Variants in SURF6 observed in about 807,000 individuals in gnomAD.
SURF6 encodes surfeit 6, also known as surfeit locus protein 6.
In SURF6, 28 loss-of-function variants were observed where a neutral mutation model predicts 37.5. That is an observed-to-expected ratio of 0.75 (90% CI 0.55 to 1.02). SURF6 has a LOEUF of 1.02. Among genes scored for constraint, SURF6 ranks in the 50% least tolerant of loss-of-function variants. The pLI, the probability that SURF6 is intolerant of heterozygous loss-of-function variation, is 0.00. For missense variants in SURF6, 560 were observed against 490.5 expected (o/e 1.14, Z -1.34); for synonymous variants, 248 against 210.9 (o/e 1.18, Z -1.52).
intron 2 of SURF6, 76 bp from the exon 3 acceptor site, chr9:133,333,882 T>TCCCA: frequency 1.6e-6 from 2 of 1,259,420 alleles, no homozygotes; most frequent in Non-Finnish European, 2.3e-6. Flanking sequence ...CGAATCCCTG[T>TCCCA]CCCACTGTGG....
rs2129906971 is a variant in SURF6 at position 133,330,608 on chromosome 9, T to C, written c.*1261A>G. 2 of 152,200 alleles carry C rather than the reference T, an allele frequency of 1.3e-5. No homozygotes were observed. The highest frequency in any genetic ancestry group is 4.2e-4 in the South Asian group (2 of 4,806). 9.4% of individuals were successfully genotyped at this position (152,200 alleles called of 1,614,324 possible). ...TTTCTAATAGCCATTCGGAATTCTT[T>C]AACTCATAGGTAATTTATAAGTGTG... On this transcript the variant is annotated 3_prime_UTR_variant, in exon 5 of 5. Transcript: ENST00000372022.
chr9:133,335,745 G>C (rs1347140262), intron 1 of SURF6, among the ~76,000 whole-genome samples: 1 of 152,026 alleles, frequency 6.6e-6, no homozygotes, highest in African/African-American at 2.4e-5. Flanking sequence ...GCGTGGTGGC[G>C]GGCGCCTGTA....
Position 133,331,563 on chromosome 9 carries a change from T to A in SURF6, c.*306A>T. 5.8e-6 allele frequency: 2 copies of A among 342,900 alleles called. No individual in the cohort carries two copies. The highest frequency in any genetic ancestry group is 5.2e-6 in the Non-Finnish European group (1 of 192,068). 21.2% of individuals were successfully genotyped at this position (342,900 alleles called of 1,614,324 possible). ...GACTGCCCACCCCCACCGTTCCTCC[T>A]CCCTGACCCTGCAAACCTCGGGGAA... On this transcript the variant is annotated 3_prime_UTR_variant, in exon 5 of 5. Coordinates refer to ENST00000372022, the MANE Select transcript of SURF6 (RefSeq NM_006753.6).
intron 3 of SURF6, chr9:133,333,065 A>G: frequency 2.4e-6 from 1 of 415,482 alleles, no homozygotes; most frequent in South Asian, 2.6e-5. Context: ...GGTCAAGACC[A>G]CTGCCTAGAA....
At chr9:133,333,649 G>C in intron 3 of SURF6, 69 bp downstream of exon 3, 1 of 1,475,608 alleles carries the variant, frequency 6.8e-7, no homozygotes. Context: ...ACGGCCCCTC[G>C]CTGACAGCTG....
chr9:133,333,932 T>C, intron 2 of SURF6, 126 bp from the exon 3 acceptor site: 1 of 750,264 alleles, frequency 1.3e-6, no homozygotes, highest in Non-Finnish European at 2.3e-6. Flanking sequence ...TAAATTCCAC[T>C]CCACCGCTTC....
chr9:133,332,353 G>A lies in SURF6; in HGVS notation c.607-5C>T. On this transcript the variant is annotated splice_polypyrimidine_tract_variant and splice_region_variant and intron_variant, in intron 4 of 4. Transcript: ENST00000372022. Reference sequence around the variant, plus strand: ...CTCGTCTTCGCTCACCTCCACCTGGGAGGAAGGTATGACATCAGCTCATGC... The same window carrying A: ...CTCGTCTTCGCTCACCTCCACCTGGAAGGAAGGTATGACATCAGCTCATGC... 1 of 1,569,308 alleles carries A rather than the reference G, an allele frequency of 6.4e-7. No individual in the cohort carries two copies. Among genetic ancestry groups the A allele is most frequent in the Non-Finnish European group, 8.6e-7 (1 of 1,160,332 alleles).
Position 133,331,709 on chromosome 9 carries a change from T to C in SURF6, c.*160A>G, listed in dbSNP as rs2129910987. 2 of 929,164 alleles carry C rather than the reference T, an allele frequency of 2.2e-6. No homozygotes were observed. The highest frequency in any genetic ancestry group is 3.8e-5 in the Admixed American group (1 of 26,222). 57.6% of individuals were successfully genotyped at this position (929,164 alleles called of 1,614,324 possible). On this transcript the variant is annotated 3_prime_UTR_variant, in exon 5 of 5. Transcript: ENST00000372022. Reference sequence around the variant, plus strand: ...AACTCTCTCTTTCTCACATGGGATCTGTGATCTGGGCCCTCACAACTCAGC... The same window carrying C: ...AACTCTCTCTTTCTCACATGGGATCCGTGATCTGGGCCCTCACAACTCAGC...
intron 3 of SURF6, chr9:133,333,001 G>A: frequency 1.7e-6 from 1 of 580,840 alleles, no homozygotes; most frequent in Non-Finnish European, 3.1e-6. Context: ...CCCCGTGCCA[G>A]GATACATTAC....
chr9:133,330,618 G>A lies in SURF6; in HGVS notation c.*1251C>T, dbSNP rs947651170. On this transcript the variant is annotated 3_prime_UTR_variant, in exon 5 of 5. Transcript: ENST00000372022. ...CCATTCGGAATTCTTTAACTCATAG[G>A]TAATTTATAAGTGTGTTTTAAAAAT... 6.6e-6 allele frequency: 1 copy of A among 150,634 alleles called. No homozygotes were observed. Among genetic ancestry groups the A allele is most frequent in the African/African-American group, 2.4e-5 (1 of 41,038 alleles). The allele number at this position is 150,634 out of a possible 1,614,324, so 9.3% of individuals were successfully genotyped here.
chr9:133,335,961 A>T, intron 1 of SURF6, 78 bp downstream of exon 1: 1 of 1,160,244 alleles, frequency 8.6e-7, no homozygotes, highest in Non-Finnish European at 1.2e-6. Flanking sequence ...CTAGTACTTT[A>T]CAGACTCGTC....
At chr9:133,332,449 A>G (rs887153165) in intron 4 of SURF6, 99 bp downstream of exon 4, 7 of 1,539,516 alleles carry the variant, frequency 4.5e-6, no homozygotes, top group Non-Finnish European at 5.2e-6. Context: ...ACCACCTTAC[A>G]GACATGATGG....
chr9:133,331,584 G>A lies in SURF6; in HGVS notation c.*285C>T, dbSNP rs1588669473. 2 of 384,092 alleles carry A rather than the reference G, an allele frequency of 5.2e-6. No individual in the cohort carries two copies. Among genetic ancestry groups the A allele is most frequent in the African/African-American group, 4.1e-5 (2 of 48,310 alleles). The allele number at this position is 384,092 out of a possible 1,614,324, so 23.8% of individuals were successfully genotyped here. The stretch of plus-strand genomic sequence containing the variant: ...CTCCTCCCTGACCCTGCAAACCTCG[G>A]GGAAGCTTTCAGGCCCGGGAAAGCA... On this transcript the variant is annotated 3_prime_UTR_variant, in exon 5 of 5. Transcript: ENST00000372022.
chr9:133,332,814 A>G, intron 3 of SURF6, 54 bp from the exon 4 acceptor site: 1 of 1,565,240 alleles, frequency 6.4e-7, no homozygotes, highest in East Asian at 2.2e-5. Context: ...AGGGTCCCCC[A>G]GCCTGGCCCA....
rs1390818620 is a variant in SURF6, at chr9:133,330,418, T to C, written c.*1451A>G. 6.6e-6 allele frequency: 1 copy of C among 152,140 alleles called. No individual in the cohort carries two copies. The highest frequency in any genetic ancestry group is 1.5e-5 in the Non-Finnish European group (1 of 68,016). The allele number at this position is 152,140 out of a possible 1,614,324, so 9.4% of individuals were successfully genotyped here. On this transcript the variant is annotated 3_prime_UTR_variant, in exon 5 of 5. Transcript: ENST00000372022. Reference sequence around the variant, plus strand: ...CACCCAGCTAATTTTTTATTTTTAATAGAGATGGGGTTTTATCATGTTGTC... The same window carrying C: ...CACCCAGCTAATTTTTTATTTTTAACAGAGATGGGGTTTTATCATGTTGTC...
In SURF6 at chr9:133,332,361, T is replaced by A; in HGVS notation, c.607-13A>T. On this transcript the variant is annotated splice_polypyrimidine_tract_variant and intron_variant, in intron 4 of 4. Coordinates refer to ENST00000372022, the MANE Select transcript of SURF6 (RefSeq NM_006753.6). ...CGCTCACCTCCACCTGGGAGGAAGG[T>A]ATGACATCAGCTCATGCCAGCCCTG... 1 of 1,564,902 alleles carries A rather than the reference T, an allele frequency of 6.4e-7. No individual in the cohort carries two copies. Among genetic ancestry groups the A allele is most frequent in the South Asian group, 1.2e-5 (1 of 85,082 alleles).
In SURF6 at chr9:133,329,964, C is replaced by T. The variant is rs923224516; in HGVS notation, c.*1905G>A. On this transcript the variant is annotated 3_prime_UTR_variant, in exon 5 of 5. Coordinates refer to ENST00000372022, the MANE Select transcript of SURF6 (RefSeq NM_006753.6). ...ATTACCTGTTCTCTATATCGTGGAACTTCCCTGTAAAACCGTCTAGGGGAA... is the reference window on the plus strand; with the variant it reads ...ATTACCTGTTCTCTATATCGTGGAATTTCCCTGTAAAACCGTCTAGGGGAA... The T allele has an allele frequency of 6.6e-6, 1 of 152,218 alleles. No homozygotes were observed. The highest frequency in any genetic ancestry group is 2.4e-5 in the African/African-American group (1 of 41,450). 9.4% of individuals were successfully genotyped at this position (152,218 alleles called of 1,614,324 possible).
Position 133,329,351 on chromosome 9 carries a change from TC to T in SURF6, c.*2517del. 2 of 192,686 alleles carry T rather than the reference TC, an allele frequency of 1.0e-5. No homozygotes were observed. The highest frequency in any genetic ancestry group is 2.1e-5 in the Non-Finnish European group (2 of 93,520). The allele number at this position is 192,686 out of a possible 1,614,324, so 11.9% of individuals were successfully genotyped here. On this transcript the variant is annotated 3_prime_UTR_variant, in exon 5 of 5. Coordinates refer to ENST00000372022, the MANE Select transcript of SURF6 (RefSeq NM_006753.6). The stretch of plus-strand genomic sequence containing the variant: ...GGCAGGCCTGCCGGATGTCAGGCCC[TC>T]CACAAGAGGTGGAAGAGCAGAGTCT...
Position 133,331,791 on chromosome 9 carries a change from A to G in SURF6, c.*78T>C. 1 of 1,464,878 alleles carries G rather than the reference A, an allele frequency of 6.8e-7. No individual in the cohort carries two copies. The highest frequency in any genetic ancestry group is 2.5e-5 in the Admixed American group (1 of 39,912). 90.7% of individuals were successfully genotyped at this position (1,464,878 alleles called of 1,614,324 possible). A position where few individuals can be genotyped will look rare whatever the true frequency, so the allele number is the denominator to read the frequency against. The stretch of plus-strand genomic sequence containing the variant: ...GGCCGAGGTCTGTGGAGATCCTGGG[A>G]CAGAGCCAGCGTCAAGGACTCAGAG... On this transcript the variant is annotated 3_prime_UTR_variant, in exon 5 of 5. Coordinates refer to ENST00000372022, the MANE Select transcript of SURF6 (RefSeq NM_006753.6).
Sources: gnomAD v4.1 joint callset for allele counts (sites outside exome capture counted in the v4.1 genomes callset) on GRCh38, gnomAD v4.1.1 for gene constraint, MANE v1.5 for transcripts, NCBI Gene and HGNC (gene_info 2026-07-23, HGNC 2026-07-21) for gene names.